CTXN2: variants seen among roughly 807,000 people sequenced by gnomAD.
The protein encoded by CTXN2 is cortexin 2.
CTXN2 carries 3 observed loss-of-function variants against 5.7 expected under a neutral mutation model. That is an observed-to-expected ratio of 0.53 (90% confidence interval 0.24 to 1.36). The LOEUF (loss-of-function observed/expected upper bound fraction) is 1.36. CTXN2 is among the 40% of genes most tolerant of loss of function. The probability of loss-of-function intolerance (pLI) is 0.17; values close to 1 mark genes in which losing one functional copy is unlikely to be tolerated. For synonymous variants in CTXN2, 38 were observed against 36.4 expected (o/e 1.04, Z -0.16); for missense variants, 87 against 93.0 (o/e 0.94, Z 0.26).
intron 1 of CTXN2, chr15:48,178,764 C>T (rs2040653521): frequency 6.6e-6 from 1 of 152,342 alleles, no homozygotes; most frequent in African/African-American, 2.4e-5. Flanking sequence ...ATTTCAATGC[C>T]TAGGCACCCT....
intron 1 of CTXN2, among the ~76,000 whole-genome samples, chr15:48,194,585 C>A (rs1013971092): frequency 1.3e-5 from 2 of 152,056 alleles, no homozygotes; most frequent in African/African-American, 2.4e-5. Context: ...TTCTAGAAGC[C>A]CTAGCCTCCT....
chr15:48,183,503 A>G (rs896689350), intron 1 of CTXN2, among the ~76,000 whole-genome samples: 1 of 152,172 alleles, frequency 6.6e-6, no homozygotes, highest in Non-Finnish European at 1.5e-5. Context: ...AGACAACTTA[A>G]GTTTTACTTA....
chr15:48,199,932 AC>A, intron 1 of CTXN2, among the ~76,000 whole-genome samples: 1 of 152,168 alleles, frequency 6.6e-6, no homozygotes. Flanking sequence ...TATTTCTACC[AC>A]TTAAGGTTTG....
upstream of CTXN2, among the ~76,000 whole-genome samples, chr15:48,186,903 C>G (rs1188218482): frequency 1.4e-5 from 2 of 142,514 alleles, no homozygotes; most frequent in Admixed American, 7.0e-5. Flanking sequence ...GAGGGAGACT[C>G]CATCTCAAAA....
chr15:48,179,371 C>A (rs571660790), intron 1 of CTXN2, among the ~76,000 whole-genome samples: 3 of 151,758 alleles, frequency 2.0e-5, no homozygotes, highest in Admixed American at 2.0e-4. Flanking sequence ...AGTTTCCTAC[C>A]CTCTACCGAA....
chr15:48,192,498 A>T (rs1567293162), intron 1 of CTXN2: 1 of 152,330 alleles, frequency 6.6e-6, no homozygotes. Context: ...CTTAATGATT[A>T]ACTACCTCTG....
At chr15:48,199,142 T>C (rs1056127249) in intron 1 of CTXN2, among the ~76,000 whole-genome samples, 24 of 152,128 alleles carry the variant, frequency 1.6e-4, no homozygotes, top group Non-Finnish European at 2.9e-4. Context: ...GAAGCTAAAA[T>C]AGATTTTAGA....
rs1431666449 is a variant in CTXN2 at position 48,191,678 on chromosome 15, A to G, written c.-233A>G. On this transcript the variant is annotated 5_prime_UTR_variant, in exon 1 of 2. Coordinates refer to ENST00000417307, the MANE Select transcript of CTXN2 (RefSeq NM_001145668.2). ...CCCACGTCCTCTGTCTCACCAACAG[A>G]CACAGACATTTACACTTCTAGGCCA... is the stretch of plus-strand genomic sequence containing the variant. The G allele has an allele frequency of 6.6e-6, 3 of 455,650 alleles. No individual in the cohort carries two copies. The highest frequency in any genetic ancestry group is 1.3e-5 in the Non-Finnish European group (3 of 226,660). The allele number at this position is 455,650 out of a possible 1,614,324, so 28.2% of individuals were successfully genotyped here.
At chr15:48,189,224 C>T (rs900503648), upstream of CTXN2, 1 of 152,184 alleles carries the variant, frequency 6.6e-6, no homozygotes, top group African/African-American at 2.4e-5. Flanking sequence ...CGCTAGCAAC[C>T]TTCAAAATGT....
chr15:48,179,743 G>A (rs919641523), intron 1 of CTXN2, among the ~76,000 whole-genome samples: 1 of 152,194 alleles, frequency 6.6e-6, no homozygotes, highest in African/African-American at 2.4e-5. Context: ...TGAACATAAT[G>A]TAATATTACA....
At chr15:48,199,229 G>C (rs1346668006) in intron 1 of CTXN2, among the ~76,000 whole-genome samples, 1 of 152,150 alleles carries the variant, frequency 6.6e-6, no homozygotes, top group African/African-American at 2.4e-5. Context: ...TCTTCCCTGG[G>C]AAGGGCCACG....
intron 1 of CTXN2, among the ~76,000 whole-genome samples, chr15:48,182,518 A>G (rs1223733656): frequency 2.0e-5 from 3 of 152,162 alleles, no homozygotes; most frequent in Admixed American, 1.3e-4. Flanking sequence ...TCAGTAGTAT[A>G]CTGATGTGAT....
At chr15:48,185,980 T>A (rs1643754357) in intron 1 of CTXN2, among the ~76,000 whole-genome samples, 1 of 152,230 alleles carries the variant, frequency 6.6e-6, no homozygotes. Context: ...ATTTTTTAAC[T>A]GAGTCCTATT....
At chr15:48,184,423 ACTT>A (rs1396037080) in intron 1 of CTXN2, among the ~76,000 whole-genome samples, 4 of 152,176 alleles carry the variant, frequency 2.6e-5, no homozygotes, top group Non-Finnish European at 2.9e-5. Flanking sequence ...ATAACTGGCA[ACTT>A]AAGAAAATGG....
rs2040937392 is a variant in CTXN2, at chr15:48,202,595, A to C, written c.*1049A>C. The C allele has an allele frequency of 6.0e-6, 1 of 167,028 alleles. No homozygotes were observed. Among genetic ancestry groups the C allele is most frequent in the Non-Finnish European group, 1.5e-5 (1 of 68,112 alleles). The allele number at this position is 167,028 out of a possible 1,614,324, so 10.3% of individuals were successfully genotyped here. A position where few individuals can be genotyped will look rare whatever the true frequency, so the allele number is the denominator to read the frequency against. On this transcript the variant is annotated 3_prime_UTR_variant, in exon 2 of 2. Transcript: ENST00000417307. ...ACAAGAATTAAGAAACCCATCCTGC[A>C]TGTCTTCAGCAATATTGAGAGGGCC...
At position 48,201,275 on chromosome 15, in the gene CTXN2, GAGCCACAA is replaced by G; in HGVS notation, c.-25_-18del. 2.6e-6 allele frequency: 4 copies of G among 1,549,410 alleles called. No homozygotes were observed. Among genetic ancestry groups the G allele is most frequent in the Non-Finnish European group, 3.5e-6 (4 of 1,145,380 alleles). ...AGTTGATTCCAGAAGGAACTGTGAA[GAGCCACAA>G]CAATGTGCCAGTGAATAATGAGTAG... is the stretch of plus-strand genomic sequence containing the variant. On this transcript the variant is annotated 5_prime_UTR_variant, in exon 2 of 2. Transcript: ENST00000417307.
intron 1 of CTXN2, among the ~76,000 whole-genome samples, chr15:48,183,325 T>C (rs1020588316): frequency 6.6e-6 from 1 of 152,168 alleles, no homozygotes; most frequent in Non-Finnish European, 1.5e-5. Context: ...ACTTACAAAC[T>C]GAGAGATCTC....
At chr15:48,185,180 G>A (rs2040736715) in intron 1 of CTXN2, among the ~76,000 whole-genome samples, 1 of 152,116 alleles carries the variant, frequency 6.6e-6, no homozygotes, top group Non-Finnish European at 1.5e-5. Context: ...ATTCAGAAAT[G>A]TGAAACTATT....
chr15:48,195,081 C>T (rs1218594180), intron 1 of CTXN2, among the ~76,000 whole-genome samples: 2 of 152,278 alleles, frequency 1.3e-5, no homozygotes, highest in East Asian at 3.9e-4. Context: ...CTAAGTGCCA[C>T]ACATGAGTAC....
Sources: gnomAD v4.1 joint callset for allele counts (sites outside exome capture counted in the v4.1 genomes callset) on GRCh38, gnomAD v4.1.1 for gene constraint, MANE v1.5 for transcripts, NCBI Gene and HGNC (gene_info 2026-07-23, HGNC 2026-07-21) for gene names.